TBC1D19: variants seen among roughly 807,000 people sequenced by gnomAD.
TBC1D19 encodes the protein TBC1 domain family, member 19.
In TBC1D19, 60 loss-of-function variants were observed where a neutral mutation model predicts 89.0. The observed-to-expected ratio is 0.67, with a 90% confidence interval of 0.55 to 0.84. The LOEUF (loss-of-function observed/expected upper bound fraction) is 0.84. TBC1D19 is among the 40% of genes least tolerant of loss of function. TBC1D19 has a pLI of 0.00. For missense variants in TBC1D19, 500 were observed against 610.8 expected, an observed-to-expected ratio of 0.82 and a Z score of 1.91; for synonymous variants, 189 against 199.7, an observed-to-expected ratio of 0.95 and a Z score of 0.45.
chr4:26,646,071 C>T (rs1351290570), intron 7 of TBC1D19, among the ~76,000 whole-genome samples: 19 of 144,494 alleles, frequency 1.3e-4, no homozygotes, highest in Non-Finnish European at 2.4e-4. Flanking sequence ...TGCAGTGAGC[C>T]GAGATCCCGC....
At position 26,578,484 on chromosome 4, in the gene TBC1D19, T is replaced by C. The variant is rs149487916; in HGVS notation, c.6+1687T>C. 1.5e-3 allele frequency among the ~76,000 whole-genome samples: 227 copies of C among 151,762 alleles called. 3 individuals carry two copies. The East Asian group carries it at 0.037, about 24-fold the overall frequency. On this transcript the variant is annotated intron_variant, in intron 1 of 12. Coordinates refer to the TBC1D19 transcript ENST00000512840. ...GAACAAGAAAGATAAAAAAAGATGG[T>C]GAAAGGCATGTAAGTTTCCCAGGTG... is the stretch of plus-strand genomic sequence containing the variant.
At chr4:26,756,988 C>T (rs139044130), downstream of TBC1D19, among the ~76,000 whole-genome samples, 4 of 150,480 alleles carry the variant, frequency 2.7e-5, no homozygotes, top group Non-Finnish European at 5.9e-5. Flanking sequence ...AAACACTGCA[C>T]TGAGGGTCAT....
intron 1 of TBC1D19, among the ~76,000 whole-genome samples, 156 bp from the exon 2 acceptor site, chr4:26,613,013 C>G (rs1741476932): frequency 6.6e-6 from 1 of 151,912 alleles, no homozygotes; most frequent in Non-Finnish European, 1.5e-5. Flanking sequence ...CTAGATAGTT[C>G]TAAGCTCTAT....
chr4:26,714,786 A>G (rs1013672194), intron 13 of TBC1D19, among the ~76,000 whole-genome samples: 1 of 152,082 alleles, frequency 6.6e-6, no homozygotes, highest in African/African-American at 2.4e-5. Flanking sequence ...GTTTCTAGAA[A>G]TGCATACATA....
chr4:26,765,179 A>G, the TBC1D19 span, among the ~76,000 whole-genome samples: 1 of 152,134 alleles, frequency 6.6e-6, no homozygotes, highest in East Asian at 1.9e-4. Flanking sequence ...GAGTAGTAGA[A>G]CCAGATGGCA....
chr4:26,693,588 A>G (rs1182184256), intron 13 of TBC1D19, among the ~76,000 whole-genome samples: 1 of 151,920 alleles, frequency 6.6e-6, no homozygotes, highest in African/African-American at 2.4e-5. Flanking sequence ...CCAGCTACTC[A>G]GGAGGCTGAG....
At chr4:26,650,106 CT>C (rs1744259154) in intron 7 of TBC1D19, among the ~76,000 whole-genome samples, 1 of 152,078 alleles carries the variant, frequency 6.6e-6, no homozygotes, top group African/African-American at 2.4e-5. Flanking sequence ...TTAATCCAGA[CT>C]ACCATTGTTG....
rs571268619 is a variant in TBC1D19 at position 26,753,767 on chromosome 4, G to A, written c.1436-53G>A. 50 of 1,602,666 alleles carry A rather than the reference G, an allele frequency of 3.1e-5. 1 individual carries two copies. The highest frequency in any genetic ancestry group is 3.4e-4 in the Middle Eastern group (2 of 5,966). On this transcript the variant is annotated intron_variant, in intron 19 of 20. Coordinates refer to ENST00000264866, the MANE Select transcript of TBC1D19 (RefSeq NM_018317.4). Reference sequence around the variant, plus strand: ...TTTTGGGCATAGCATAGCAGTAACCGTGCCGGGCTGATGAGTAGGCCAGCA... The same window carrying A: ...TTTTGGGCATAGCATAGCAGTAACCATGCCGGGCTGATGAGTAGGCCAGCA...
chr4:26,590,385 A>G (rs553591373), intron 1 of TBC1D19, among the ~76,000 whole-genome samples: 11 of 152,286 alleles, frequency 7.2e-5, no homozygotes, highest in Admixed American at 6.5e-4. Context: ...TGTCGTGAGA[A>G]TGATTGGTAT....
chr4:26,790,287 TA>T, the TBC1D19 span, among the ~76,000 whole-genome samples: 1 of 152,342 alleles, frequency 6.6e-6, no homozygotes, highest in Admixed American at 6.5e-5. Context: ...TGCCATCAGA[TA>T]AGAGGAGCCT....
At chr4:26,731,960 C>A (rs545761089) in intron 15 of TBC1D19, among the ~76,000 whole-genome samples, 9 of 152,030 alleles carry the variant, frequency 5.9e-5, no homozygotes, top group African/African-American at 2.2e-4. Context: ...AGAAAATGAG[C>A]GAGATTAGAG....
At chr4:26,708,065 C>G (rs1484097605) in intron 13 of TBC1D19, among the ~76,000 whole-genome samples, 9 of 151,994 alleles carry the variant, frequency 5.9e-5, no homozygotes, top group South Asian at 2.1e-4. Context: ...TTTATAACTG[C>G]CCATGTGTGT....
intron 1 of TBC1D19, among the ~76,000 whole-genome samples, chr4:26,603,903 A>G (rs189292181): frequency 4.0e-4 from 61 of 152,192 alleles, no homozygotes; most frequent in Admixed American, 3.7e-3. Flanking sequence ...CTCACCATCC[A>G]TCTTCAAAAC....
At chr4:26,795,028 C>T in the TBC1D19 span, among the ~76,000 whole-genome samples, 9 of 152,300 alleles carry the variant, frequency 5.9e-5, no homozygotes, top group East Asian at 9.6e-4. Flanking sequence ...CCTTTCAATC[C>T]GTAAGTCAGA....
chr4:26,836,053 T>C, the TBC1D19 span, among the ~76,000 whole-genome samples: 1 of 151,668 alleles, frequency 6.6e-6, no homozygotes, highest in Non-Finnish European at 1.5e-5. Flanking sequence ...TCAAGAGCAT[T>C]TCTCCCTGGC....
chr4:26,740,012 T>C (rs768987478), intron 17 of TBC1D19, 39 bp downstream of exon 17: 12 of 1,317,998 alleles, frequency 9.1e-6, no homozygotes, highest in Non-Finnish European at 1.3e-5. Flanking sequence ...TTAGGTTGGA[T>C]TGTAATCTAT....
chr4:26,620,559 A>G, intron 3 of TBC1D19, 54 bp from the exon 4 acceptor site: 1 of 1,457,418 alleles, frequency 6.9e-7, no homozygotes, highest in Non-Finnish European at 9.6e-7. Context: ...GAGGTAAGTA[A>G]TATCTAACCA....
chr4:26,678,498 T>G (rs1358813361), intron 11 of TBC1D19, among the ~76,000 whole-genome samples: 1 of 151,778 alleles, frequency 6.6e-6, no homozygotes, highest in Admixed American at 6.6e-5. Flanking sequence ...AAAATAGTTA[T>G]TCATGCCTTT....
intron 6 of TBC1D19, among the ~76,000 whole-genome samples, chr4:26,639,133 C>G (rs1489995253): frequency 6.6e-6 from 1 of 152,210 alleles, no homozygotes; most frequent in Non-Finnish European, 1.5e-5. Flanking sequence ...ACTTTAACCT[C>G]AAGCTCCTGG....
Sources: allele counts gnomAD v4.1 joint callset (sites outside exome capture counted in the v4.1 genomes callset), GRCh38; gene constraint gnomAD v4.1.1; transcripts MANE v1.5; gene names NCBI Gene and HGNC (gene_info 2026-07-23, HGNC 2026-07-21).